The following PPARGC1B variants were observed in gnomAD, a reference collection of about 807,000 sequenced individuals.
PPARGC1B encodes the protein peroxisome proliferator-activated receptor gamma coactivator 1-beta.
A neutral mutation model predicts 101.6 loss-of-function variants in PPARGC1B; 34 were observed. The observed-to-expected ratio is 0.33, with a 90% CI of 0.25 to 0.45. PPARGC1B has a LOEUF of 0.45. PPARGC1B is among the 20% of genes least tolerant of loss of function. The pLI is 1.00. For missense variants in PPARGC1B, 1,234 were observed against 1,317.6 expected (o/e 0.94, Z 0.98); for synonymous variants, 548 against 539.3 (o/e 1.02, Z -0.22).
chr5:149,746,983 T>C (rs1297706262), intron 1 of PPARGC1B, among the ~76,000 whole-genome samples: 1 of 152,234 alleles, frequency 6.6e-6, no homozygotes, highest in African/African-American at 2.4e-5. Context: ...TAGTTCTCTT[T>C]ACATTTGAGA....
At chr5:149,801,823 G>A (rs759813) in intron 1 of PPARGC1B, among the ~76,000 whole-genome samples, 16,912 of 152,164 alleles carry the variant, frequency 0.11, 1,276 homozygotes, top group Admixed American at 0.23. Context: ...GGAAGCTACA[G>A]GAAGGCCCAG....
At chr5:149,829,546 A>G (rs992840539) in intron 3 of PPARGC1B, among the ~76,000 whole-genome samples, 2 of 152,028 alleles carry the variant, frequency 1.3e-5, no homozygotes, top group African/African-American at 4.8e-5. Flanking sequence ...AAATCTCATG[A>G]TCTTTCTCAG....
At chr5:149,808,569 C>T (rs529553412) in intron 1 of PPARGC1B, among the ~76,000 whole-genome samples, 11 of 152,284 alleles carry the variant, frequency 7.2e-5, no homozygotes, top group East Asian at 1.9e-4. Context: ...AGAAACTGAA[C>T]TCTCAGCGTT....
At chr5:149,769,463 C>T (rs149936863) in intron 1 of PPARGC1B, among the ~76,000 whole-genome samples, 2 of 152,280 alleles carry the variant, frequency 1.3e-5, no homozygotes, top group African/African-American at 2.4e-5. Flanking sequence ...CCCACTGATT[C>T]GGGGAGCTCA....
intron 1 of PPARGC1B, among the ~76,000 whole-genome samples, chr5:149,766,996 G>A (rs1755934449): frequency 6.6e-6 from 1 of 152,222 alleles, no homozygotes; most frequent in South Asian, 2.1e-4. Flanking sequence ...TGACGAGGCT[G>A]TCGGAGATGA....
Position 149,847,540 on chromosome 5 carries a change from C to A in PPARGC1B, c.3054C>A (p.Ala1018=). The A allele has an allele frequency of 6.2e-7, 1 of 1,613,828 alleles. No homozygotes were observed. Among genetic ancestry groups the A allele is most frequent in the Non-Finnish European group, 8.5e-7 (1 of 1,179,764 alleles). ...ATTTTGACAGCTTACTGAAAGAGGC[C>A]CAGCAGAGCCTGCATTGATAACAGC... ...AMDFDSLLKE[A]QQSLH is the part of the protein sequence containing the mutation. Residue 1018 remains alanine (A), a synonymous_variant, in exon 12 of 12, where the codon GCC becomes GCA. Transcript: ENST00000309241.
intron 7 of PPARGC1B, among the ~76,000 whole-genome samples, chr5:149,835,713 G>A (rs559221079): frequency 6.6e-6 from 1 of 152,302 alleles, no homozygotes; most frequent in African/African-American, 2.4e-5. Context: ...TTGAACGATT[G>A]GACGTAGATC....
rs1759733745 is a variant in PPARGC1B at position 149,850,733 on chromosome 5, T to C, written c.*3175T>C. 1 of 152,276 alleles carries C rather than the reference T, an allele frequency of 6.6e-6. No homozygotes were observed. Among genetic ancestry groups the C allele is most frequent in the Non-Finnish European group, 1.5e-5 (1 of 68,082 alleles). 9.4% of individuals were successfully genotyped at this position (152,276 alleles called of 1,614,324 possible). A position where few individuals can be genotyped will look rare whatever the true frequency, so the allele number is the denominator to read the frequency against. ...TACATGTGATCGCCATAAAGCTTGC[T>C]GTAGACTGTGTCGATAGCCGCCCGC... On this transcript the variant is annotated 3_prime_UTR_variant, in exon 12 of 12. Coordinates refer to ENST00000309241, the MANE Select transcript of PPARGC1B (RefSeq NM_133263.4).
At chr5:149,771,461 C>T (rs1756128887) in intron 1 of PPARGC1B, among the ~76,000 whole-genome samples, 1 of 152,196 alleles carries the variant, frequency 6.6e-6, no homozygotes, top group Non-Finnish European at 1.5e-5. Context: ...CCCTGAAGGG[C>T]CAAGCTGAGG....
intron 1 of PPARGC1B, among the ~76,000 whole-genome samples, chr5:149,771,091 T>C (rs1021510961): frequency 3.3e-5 from 5 of 152,128 alleles, no homozygotes; most frequent in Non-Finnish European, 5.9e-5. Context: ...GTGGCTGGTT[T>C]GTTGAGAGCA....
chr5:149,839,226 A>G (rs530951787), intron 8 of PPARGC1B, among the ~76,000 whole-genome samples: 1 of 152,356 alleles, frequency 6.6e-6, no homozygotes, highest in Non-Finnish European at 1.5e-5. Context: ...AGGGATGGAC[A>G]CAATTGGTTA....
chr5:149,833,546 A>G lies in PPARGC1B; in HGVS notation c.1473A>G (p.Thr491=). The G allele has an allele frequency of 1.3e-6, 2 of 1,581,746 alleles. No individual in the cohort carries two copies. Among genetic ancestry groups the G allele is most frequent in the African/African-American group, 1.3e-5 (1 of 74,190 alleles). ...RLNPELGPWL[T]FADEPLVPSE... is the part of the protein sequence containing the mutation. Reference sequence around the variant, plus strand: ...ACCCTGAGCTGGGCCCCTGGCTGACATTTGCAGATGAGCCGCTGGTCCCCT... The same window carrying G: ...ACCCTGAGCTGGGCCCCTGGCTGACGTTTGCAGATGAGCCGCTGGTCCCCT... The change falls in exon 5 of 12, where the codon ACA becomes ACG. Residue 491 remains threonine (T), a synonymous_variant. Coordinates refer to ENST00000309241, the MANE Select transcript of PPARGC1B (RefSeq NM_133263.4). This position sits in a 1 kb window ranked among gnomAD's most constrained non-coding sequence, Gnocchi z 4.1.
chr5:149,731,383 T>C (rs1754459265), intron 1 of PPARGC1B, among the ~76,000 whole-genome samples: 1 of 151,542 alleles, frequency 6.6e-6, no homozygotes, highest in Non-Finnish European at 1.5e-5. Context: ...GTTGCAAGCA[T>C]AAAGTTTGGC....
intron 1 of PPARGC1B, among the ~76,000 whole-genome samples, chr5:149,739,627 C>G (rs1045945060): frequency 1.3e-5 from 2 of 152,046 alleles, no homozygotes; most frequent in Admixed American, 6.6e-5. Context: ...TGCGGTGGGC[C>G]TTAGCTCTTG....
At chr5:149,749,314 T>C (rs1174350217) in intron 1 of PPARGC1B, among the ~76,000 whole-genome samples, 1 of 152,206 alleles carries the variant, frequency 6.6e-6, no homozygotes, top group Non-Finnish European at 1.5e-5. Flanking sequence ...TTCATTTCTG[T>C]TTTGCTGATG....
At chr5:149,806,621 T>C (rs1351584771) in intron 1 of PPARGC1B, among the ~76,000 whole-genome samples, 1 of 79,478 alleles carries the variant, frequency 1.3e-5, no homozygotes, top group African/African-American at 4.3e-5. Context: ...TTTTTTTTTT[T>C]TTTTTGAGAC....
chr5:149,774,329 C>T (rs573205890), intron 1 of PPARGC1B, among the ~76,000 whole-genome samples: 13 of 152,250 alleles, frequency 8.5e-5, no homozygotes, highest in East Asian at 3.9e-4. Context: ...CACTGGGCTC[C>T]GGTTTCCTCA....
chr5:149,836,088 C>G (rs545879187), intron 7 of PPARGC1B, among the ~76,000 whole-genome samples, 175 bp from the exon 8 acceptor site: 40 of 151,862 alleles, frequency 2.6e-4, no homozygotes, highest in African/African-American at 9.4e-4. Context: ...ATGATTTCAC[C>G]GTGTTGGCCA....
intron 1 of PPARGC1B, among the ~76,000 whole-genome samples, chr5:149,801,500 G>A (rs1239856059): frequency 2.0e-5 from 3 of 152,208 alleles, no homozygotes; most frequent in Admixed American, 2.0e-4. Context: ...GTGGAAAGAA[G>A]CCAGCAGGAC....
Sources: gnomAD v4.1 joint callset for allele counts (sites outside exome capture counted in the v4.1 genomes callset) on GRCh38, gnomAD v4.1.1 for gene constraint, Gnocchi (gnomAD v3.1) non-coding constraint, MANE v1.5 for transcripts, NCBI Gene and HGNC (gene_info 2026-07-23, HGNC 2026-07-21) for gene names.